Variants in CSMD1 observed in about 807,000 individuals in gnomAD.
CSMD1 encodes the protein CUB and sushi domain-containing protein 1.
Under a neutral mutation model 417.5 loss-of-function variants are expected in CSMD1, and 213 were observed. The observed-to-expected ratio is 0.51, with a 90% CI of 0.46 to 0.57. The LOEUF is 0.57. CSMD1 is among the 20% of genes least tolerant of loss of function. The pLI is 0.00. For missense variants in CSMD1, 6,923 were observed against 4,529.7 expected, an observed-to-expected ratio of 1.53 and a Z score of -15.17; for synonymous variants, 2,862 against 1,736.8, an observed-to-expected ratio of 1.65 and a Z score of -16.11.
chr8:4,883,363 C>T (rs141303419), intron 1 of CSMD1, among the ~76,000 whole-genome samples: 2 of 152,064 alleles, frequency 1.3e-5, no homozygotes, highest in African/African-American at 4.8e-5. Context: ...TAAAATTTAC[C>T]ATTTTAAATA....
intron 10 of CSMD1, among the ~76,000 whole-genome samples, chr8:3,545,027 G>T (rs1356219438): frequency 4.6e-5 from 7 of 152,158 alleles, no homozygotes; most frequent in African/African-American, 1.7e-4. Flanking sequence ...TATCAGGACA[G>T]TATAAAGTTA....
At chr8:3,847,675 T>G (rs897429240) in intron 5 of CSMD1, among the ~76,000 whole-genome samples, 1 of 152,062 alleles carries the variant, frequency 6.6e-6, no homozygotes, top group Non-Finnish European at 1.5e-5. Context: ...TTCTGGTCAT[T>G]TGCTACTCAG....
intron 2 of CSMD1, among the ~76,000 whole-genome samples, chr8:4,629,212 T>G (rs996742186): frequency 6.6e-6 from 1 of 152,306 alleles, no homozygotes; most frequent in African/African-American, 2.4e-5. Context: ...GAATGAAAAG[T>G]TTGTACTTTA....
intron 41 of CSMD1, among the ~76,000 whole-genome samples, chr8:3,136,355 C>T (rs559349654): frequency 2.0e-5 from 3 of 151,492 alleles, no homozygotes; most frequent in African/African-American, 7.3e-5. Flanking sequence ...TCTCTGGTCT[C>T]CCAGGTTCAA....
chr8:4,512,153 CAT>C (rs561042022), intron 2 of CSMD1, among the ~76,000 whole-genome samples: 9 of 152,160 alleles, frequency 5.9e-5, no homozygotes, highest in Non-Finnish European at 1.0e-4. Flanking sequence ...AATTAATTAA[CAT>C]ATCACATCAA....
chr8:4,857,175 A>G (rs12548536), intron 1 of CSMD1, among the ~76,000 whole-genome samples: 64,133 of 147,668 alleles, frequency 0.43, 14,042 homozygotes, highest in Non-Finnish European at 0.49. Context: ...TACTGGGTAC[A>G]TAACGAAATG....
At chr8:4,835,482 G>C (rs977626636) in intron 1 of CSMD1, among the ~76,000 whole-genome samples, 1 of 152,138 alleles carries the variant, frequency 6.6e-6, no homozygotes, top group Non-Finnish European at 1.5e-5. Flanking sequence ...TTCTTATGTT[G>C]AATTTGAGAT....
chr8:4,737,064 G>T (rs1292334912), intron 1 of CSMD1, among the ~76,000 whole-genome samples: 1 of 152,050 alleles, frequency 6.6e-6, no homozygotes, highest in Non-Finnish European at 1.5e-5. Context: ...ATTCACAAAA[G>T]AAAAGACATG....
intron 6 of CSMD1, among the ~76,000 whole-genome samples, chr8:3,749,072 T>C (rs759487157): frequency 6.6e-6 from 1 of 152,172 alleles, no homozygotes; most frequent in Non-Finnish European, 1.5e-5. Flanking sequence ...GACTATTTAG[T>C]AGTGAGGGGG....
At chr8:3,781,362 G>C (rs981912710) in intron 5 of CSMD1, among the ~76,000 whole-genome samples, 1 of 152,082 alleles carries the variant, frequency 6.6e-6, no homozygotes, top group Non-Finnish European at 1.5e-5. Context: ...CTAGGGTCAG[G>C]TCAAGCGCAT....
chr8:4,978,666 G>A (rs954499197), intron 1 of CSMD1, among the ~76,000 whole-genome samples: 6 of 152,110 alleles, frequency 3.9e-5, no homozygotes, highest in African/African-American at 1.2e-4. Context: ...GGCCAGACAC[G>A]GTGGCTCATT....
intron 8 of CSMD1, among the ~76,000 whole-genome samples, chr8:3,590,226 G>A (rs575408667): frequency 6.6e-6 from 1 of 152,014 alleles, no homozygotes; most frequent in Admixed American, 6.5e-5. Context: ...ACCCATTTTT[G>A]AGCGGTAGTA....
chr8:4,560,036 C>A lies in CSMD1; in HGVS notation c.302+77306G>T, dbSNP rs144881059. ...GTCAGAAATGCAGTTGACAGACAGCCTCCACCTGCCACCCTTGGGGTCCTC... is the reference window on the plus strand; with the variant it reads ...GTCAGAAATGCAGTTGACAGACAGCATCCACCTGCCACCCTTGGGGTCCTC... On this transcript the variant is annotated intron_variant, in intron 2 of 69. Transcript: ENST00000635120. Among the ~76,000 whole-genome samples, 603 of 152,360 alleles carry A rather than the reference C, an allele frequency of 4.0e-3. 3 individuals are homozygous for A. In the East Asian group the frequency reaches 0.059, roughly 15 times the overall value.
intron 5 of CSMD1, among the ~76,000 whole-genome samples, chr8:3,906,679 A>T (rs540099668): frequency 6.6e-6 from 1 of 152,044 alleles, no homozygotes; most frequent in African/African-American, 2.4e-5. Context: ...GAGAGAAAAT[A>T]ACTATGTTTT....
At position 3,350,450 on chromosome 8, in the gene CSMD1, A is replaced by G. The variant is rs183733223; in HGVS notation, c.3305-2289T>C. The stretch of plus-strand genomic sequence containing the variant: ...ATGTCTTTCCCAAGGTCACACAGCT[A>G]GTACAGATTAATTACTGATGTGATA... On this transcript the variant is annotated intron_variant, in intron 21 of 69. Coordinates refer to ENST00000635120, the MANE Select transcript of CSMD1 (RefSeq NM_033225.6). 1.2e-3 allele frequency among the ~76,000 whole-genome samples: 178 copies of G among 152,294 alleles called. 1 individual carries two copies. Among genetic ancestry groups the G allele is most frequent in the African/African-American group, 3.5e-3 (145 of 41,586 alleles).
intron 2 of CSMD1, among the ~76,000 whole-genome samples, chr8:4,429,985 G>A (rs1797780446): frequency 1.3e-5 from 2 of 152,156 alleles, no homozygotes; most frequent in East Asian, 1.9e-4. Context: ...AAGCTGAGCT[G>A]GAAGATGAGG....
At chr8:3,621,907 G>A (rs966606370) in intron 7 of CSMD1, among the ~76,000 whole-genome samples, 1 of 151,794 alleles carries the variant, frequency 6.6e-6, no homozygotes, top group Non-Finnish European at 1.5e-5. Flanking sequence ...TGTCCAACCA[G>A]AAGTGTATGC....
At chr8:4,286,514 C>G (rs981560513) in intron 3 of CSMD1, among the ~76,000 whole-genome samples, 1 of 152,052 alleles carries the variant, frequency 6.6e-6, no homozygotes, top group Non-Finnish European at 1.5e-5. Context: ...AAGGAAGACA[C>G]TCTTCTGAGA....
chr8:3,241,914 T>C (rs968535100), intron 26 of CSMD1, among the ~76,000 whole-genome samples: 2 of 151,128 alleles, frequency 1.3e-5, no homozygotes, highest in Admixed American at 1.3e-4. Flanking sequence ...ATTTTTGGAG[T>C]TTTATTTAAT....
Sources: allele counts gnomAD v4.1 joint callset (sites outside exome capture counted in the v4.1 genomes callset), GRCh38; gene constraint gnomAD v4.1.1; transcripts MANE v1.5; gene names NCBI Gene and HGNC (gene_info 2026-07-23, HGNC 2026-07-21).